The following PCNT variants were observed in gnomAD, a reference collection of about 807,000 sequenced individuals.
PCNT encodes the protein pericentrin.
In PCNT, 319 loss-of-function variants were observed where a neutral mutation model predicts 380.4. That is an observed-to-expected ratio of 0.84 (90% CI 0.77 to 0.92). PCNT has a LOEUF of 0.92. PCNT is among the 40% of genes least tolerant of loss of function. The probability of loss-of-function intolerance (pLI) is 0.00; values close to 1 mark genes in which losing one functional copy is unlikely to be tolerated. For missense variants in PCNT, 4,400 were observed against 4,255.3 expected, an observed-to-expected ratio of 1.03 and a Z score of -0.95; for synonymous variants, 1,845 against 1,735.2, an observed-to-expected ratio of 1.06 and a Z score of -1.57.
intron 13 of PCNT, among the ~76,000 whole-genome samples, chr21:46,362,849 G>C (rs1295896554): frequency 1.3e-5 from 2 of 151,888 alleles, no homozygotes; most frequent in African/African-American, 4.8e-5. Context: ...CTCCAGCCTG[G>C]GCGACAGACC....
chr21:46,334,095 C>A (rs564521230), intron 2 of PCNT, among the ~76,000 whole-genome samples: 11 of 151,584 alleles, frequency 7.3e-5, no homozygotes, highest in Non-Finnish European at 1.3e-4. Context: ...GTCCCAGCTA[C>A]TAGGGAGGCT....
chr21:46,376,347 G>A (rs1173866106), intron 15 of PCNT, among the ~76,000 whole-genome samples: 4 of 152,226 alleles, frequency 2.6e-5, no homozygotes, highest in Non-Finnish European at 5.9e-5. Context: ...TCAGAAAGAT[G>A]TTCAAAGGAC....
chr21:46,437,712 C>T (rs1041987087), intron 40 of PCNT, among the ~76,000 whole-genome samples: 8 of 152,218 alleles, frequency 5.3e-5, no homozygotes, highest in Admixed American at 3.9e-4. Flanking sequence ...AGGGGAGCTG[C>T]GCCGCTTACC....
At chr21:46,349,351 A>G (rs2084187207) in intron 7 of PCNT, among the ~76,000 whole-genome samples, 165 bp downstream of exon 7, 1 of 152,264 alleles carries the variant, frequency 6.6e-6, no homozygotes, top group Non-Finnish European at 1.5e-5. Flanking sequence ...CATGGGTCAC[A>G]GGTCTCTCAG....
intron 24 of PCNT, among the ~76,000 whole-genome samples, chr21:46,399,313 C>G (rs1349292513): frequency 6.6e-6 from 1 of 150,532 alleles, no homozygotes; most frequent in Non-Finnish European, 1.5e-5. Flanking sequence ...TCTTTTCAGC[C>G]TGTGGGTCTA....
At chr21:46,352,979 C>G in intron 9 of PCNT, 125 bp from the exon 10 acceptor site, 1 of 768,164 alleles carries the variant, frequency 1.3e-6, no homozygotes, top group Non-Finnish European at 2.3e-6. Context: ...TCATCCCTCT[C>G]CGGTTCTGGG....
At chr21:46,395,179 T>C (rs891313523) in intron 21 of PCNT, among the ~76,000 whole-genome samples, 8 of 152,256 alleles carry the variant, frequency 5.3e-5, no homozygotes, top group African/African-American at 1.7e-4. Flanking sequence ...TTACTTGCAT[T>C]GGTCATGATA....
chr21:46,395,078 A>G (rs1188923059), intron 21 of PCNT, among the ~76,000 whole-genome samples: 1 of 152,210 alleles, frequency 6.6e-6, no homozygotes, highest in Non-Finnish European at 1.5e-5. Flanking sequence ...GCCTCGCCGC[A>G]CGTCTCAGGT....
At chr21:46,443,684 A>G (rs1403340918) in intron 44 of PCNT, 126 bp from the exon 45 acceptor site, 2 of 927,388 alleles carry the variant, frequency 2.2e-6, no homozygotes, top group Non-Finnish European at 3.5e-6. Context: ...GCACTTTAAA[A>G]ATGTCTTAAA....
chr21:46,383,967 C>T (rs1432397477), intron 16 of PCNT, among the ~76,000 whole-genome samples: 1 of 144,936 alleles, frequency 6.9e-6, no homozygotes, highest in Non-Finnish European at 1.5e-5. Context: ...TATTCAGTGG[C>T]GGAAGCGCAT....
At chr21:46,325,922 A>G (rs1331066138) in intron 1 of PCNT, among the ~76,000 whole-genome samples, 1 of 152,074 alleles carries the variant, frequency 6.6e-6, no homozygotes, top group Non-Finnish European at 1.5e-5. Flanking sequence ...ATTTTTTGCT[A>G]TTTCTGTATC....
At chr21:46,386,096 G>A (rs894050179) in intron 17 of PCNT, 113 bp downstream of exon 17, 13 of 1,270,660 alleles carry the variant, frequency 1.0e-5, no homozygotes, top group South Asian at 4.8e-5. Flanking sequence ...CACCATGCAC[G>A]CTGGCTCCTG....
At chr21:46,422,443 T>C (rs1275657328) in intron 32 of PCNT, among the ~76,000 whole-genome samples, 1 of 152,152 alleles carries the variant, frequency 6.6e-6, no homozygotes, top group Non-Finnish European at 1.5e-5. Flanking sequence ...CCCTCCTGCC[T>C]GTGCCCTGTA....
At chr21:46,353,954 G>A (rs2084377178) in intron 10 of PCNT, 33 bp from the exon 11 acceptor site, 2 of 1,583,602 alleles carry the variant, frequency 1.3e-6, no homozygotes, top group Non-Finnish European at 1.7e-6. Context: ...AGGGGTACGT[G>A]TGTAAAGCTT....
At position 46,383,332 on chromosome 21, in the gene PCNT, G is replaced by A. The variant is rs1248758276; in HGVS notation, c.3312+1492G>A. On this transcript the variant is annotated intron_variant, in intron 16 of 46. Transcript: ENST00000359568. Reference sequence around the variant, plus strand: ...CGGTGTTGTGCGTTCAGTGGCAGAAGCACATTCACGGTGTGCATTCAGTGG... The same window carrying A: ...CGGTGTTGTGCGTTCAGTGGCAGAAACACATTCACGGTGTGCATTCAGTGG... Among the ~76,000 whole-genome samples, 11 of 137,216 alleles carry A rather than the reference G, an allele frequency of 8.0e-5. 1 individual carries two copies. Among genetic ancestry groups the A allele is most frequent in the African/African-American group, 3.0e-4 (11 of 36,168 alleles). The allele number at this position is 137,216 out of a possible 152,430, so 90.0% of individuals were successfully genotyped here.
chr21:46,354,898 G>T (rs981746014), intron 11 of PCNT, among the ~76,000 whole-genome samples: 1 of 152,226 alleles, frequency 6.6e-6, no homozygotes, highest in Non-Finnish European at 1.5e-5. Flanking sequence ...GGCCCGGCTG[G>T]AACAGGCAGC....
At chr21:46,410,742 T>C (rs575587814) in intron 27 of PCNT, among the ~76,000 whole-genome samples, 72 of 152,292 alleles carry the variant, frequency 4.7e-4, no homozygotes, top group African/African-American at 1.6e-3. Context: ...AGTGTTGGGA[T>C]GGAAGGGGAG....
chr21:46,339,978 T>C (rs1416547401), intron 3 of PCNT, among the ~76,000 whole-genome samples: 1 of 152,158 alleles, frequency 6.6e-6, no homozygotes, highest in East Asian at 1.9e-4. Flanking sequence ...TAGAGTTCTC[T>C]TGCATACCGT....
At chr21:46,426,010 T>A (rs770314822) in intron 33 of PCNT, 39 bp downstream of exon 33, 2 of 1,612,962 alleles carry the variant, frequency 1.2e-6, no homozygotes, top group Admixed American at 3.3e-5. Context: ...TCCAAAGGAT[T>A]TAAGGAGCTT....
Sources: gnomAD v4.1 joint callset for allele counts (sites outside exome capture counted in the v4.1 genomes callset) on GRCh38, gnomAD v4.1.1 for gene constraint, MANE v1.5 for transcripts, NCBI Gene and HGNC (gene_info 2026-07-23, HGNC 2026-07-21) for gene names.